DLG2: variants seen among roughly 807,000 people sequenced by gnomAD.
DLG2 encodes the protein disks large homolog 2.
Under a neutral mutation model 132.5 loss-of-function variants are expected in DLG2, and 45 were observed. The observed-to-expected ratio is 0.34, with a 90% CI of 0.27 to 0.44. The LOEUF is 0.44. Ranked by LOEUF, DLG2 falls within the 20% of genes least tolerant of loss-of-function variation. The pLI is 1.00. For missense variants in DLG2, 1,045 were observed against 1,196.9 expected, an observed-to-expected ratio of 0.87 and a Z score of 1.87; for synonymous variants, 424 against 419.6, an observed-to-expected ratio of 1.01 and a Z score of -0.13.
intron 7 of DLG2, among the ~76,000 whole-genome samples, chr11:84,301,586 G>A (rs537711989): frequency 1.3e-4 from 20 of 150,252 alleles, no homozygotes; most frequent in Middle Eastern, 3.5e-3. Context: ...GTGAACCCGG[G>A]AGGTGGAGCT....
intron 6 of DLG2, among the ~76,000 whole-genome samples, chr11:85,038,427 C>G (rs946769980): frequency 6.6e-6 from 1 of 152,012 alleles, no homozygotes; most frequent in South Asian, 2.1e-4. Flanking sequence ...CAGATCATTT[C>G]TTTCAAGCCT....
In DLG2 at chr11:84,975,541, G is replaced by A. The variant is rs2054778102; in HGVS notation, c.357+136120C>T. On this transcript the variant is annotated intron_variant, in intron 6 of 27. Coordinates refer to ENST00000376104, the MANE Select transcript of DLG2 (RefSeq NM_001142699.3). ...CTTAGCAGAATTAGAAATATTCAAG[G>A]AGAATGAGTTACAATGACATTTTTG... is the stretch of plus-strand genomic sequence containing the variant. 2.0e-5 allele frequency among the ~76,000 whole-genome samples: 3 copies of A among 152,138 alleles called. No homozygotes were observed. In the South Asian group the frequency reaches 6.2e-4, roughly 32 times the overall value.
At chr11:84,551,038 G>A (rs923300564) in intron 6 of DLG2, among the ~76,000 whole-genome samples, 5 of 152,140 alleles carry the variant, frequency 3.3e-5, no homozygotes, top group Admixed American at 3.3e-4. Context: ...GATCTATCCA[G>A]CTGCCTTTGT....
chr11:84,157,639 G>A (rs147567572), intron 9 of DLG2, among the ~76,000 whole-genome samples: 23 of 152,238 alleles, frequency 1.5e-4, no homozygotes, highest in Non-Finnish European at 2.9e-4. Context: ...CCTCTCATAA[G>A]CCAGCTCAGT....
intron 15 of DLG2, among the ~76,000 whole-genome samples, chr11:83,893,793 T>C (rs1370092631): frequency 6.6e-6 from 1 of 152,180 alleles, no homozygotes. Context: ...CTGCATGCTG[T>C]GTACCTTGCA....
intron 3 of DLG2, among the ~76,000 whole-genome samples, chr11:85,374,021 C>T (rs1041295161): frequency 3.3e-5 from 5 of 152,146 alleles, no homozygotes; most frequent in African/African-American, 1.2e-4. Context: ...TGTTCCTGAG[C>T]ACACTTCCTA....
chr11:84,040,367 GTCT>G (rs1183381785), intron 11 of DLG2, among the ~76,000 whole-genome samples: 21 of 152,016 alleles, frequency 1.4e-4, no homozygotes, highest in African/African-American at 5.1e-4. Flanking sequence ...TAACGTTTAA[GTCT>G]TTAATCCATC....
intron 9 of DLG2, among the ~76,000 whole-genome samples, chr11:84,141,737 T>A (rs1298019585): frequency 6.6e-6 from 1 of 152,150 alleles, no homozygotes; most frequent in Non-Finnish European, 1.5e-5. Flanking sequence ...TGAGTAGTGA[T>A]AAATCTGCTT....
At chr11:85,344,612 T>C (rs1452299797) in intron 3 of DLG2, among the ~76,000 whole-genome samples, 2 of 152,170 alleles carry the variant, frequency 1.3e-5, no homozygotes, top group African/African-American at 4.8e-5. Flanking sequence ...TATTATGCAA[T>C]ATTGCTTATT....
intron 18 of DLG2, among the ~76,000 whole-genome samples, chr11:83,777,829 A>G (rs957614283): frequency 1.4e-4 from 21 of 152,210 alleles, no homozygotes; most frequent in Non-Finnish European, 1.3e-4. Context: ...CCTTCTTGTA[A>G]TAATTGTTAT....
chr11:83,857,005 G>T (rs1230946850), intron 16 of DLG2, among the ~76,000 whole-genome samples: 1 of 152,100 alleles, frequency 6.6e-6, no homozygotes, highest in Non-Finnish European at 1.5e-5. Flanking sequence ...TTTGTATCTG[G>T]TATAAGAAAG....
At chr11:85,253,715 G>A (rs2076518869) in intron 4 of DLG2, among the ~76,000 whole-genome samples, 1 of 152,122 alleles carries the variant, frequency 6.6e-6, no homozygotes, top group South Asian at 2.1e-4. Context: ...GTTCTTGTCT[G>A]GTATCCAGGA....
Position 83,791,371 on chromosome 11 carries a change from C to T in DLG2, c.1723-4579G>A, listed in dbSNP as rs572762504. The T allele has an allele frequency of 1.9e-5, 13 of 680,010 alleles. No individual in the cohort carries two copies. The South Asian group carries it at 2.0e-4, about 10-fold the overall frequency. The allele number at this position is 680,010 out of a possible 1,614,324, so 42.1% of individuals were successfully genotyped here. On this transcript the variant is annotated intron_variant, in intron 17 of 27. Transcript: ENST00000376104. ...ATCCATCAAGCTTTTGCTTTTTGAT[C>T]TGTCTTTTTTTTCTTTTCCACCTTT...
chr11:84,855,724 C>A (rs1566162122), intron 6 of DLG2, among the ~76,000 whole-genome samples: 1 of 152,054 alleles, frequency 6.6e-6, no homozygotes, highest in African/African-American at 2.4e-5. Context: ...TTAATACATT[C>A]TTGGTGTCTT....
At chr11:84,705,908 G>T (rs1193903286) in intron 6 of DLG2, among the ~76,000 whole-genome samples, 1 of 151,732 alleles carries the variant, frequency 6.6e-6, no homozygotes, top group Non-Finnish European at 1.5e-5. Context: ...ATAATAAATT[G>T]AACTTATGTT....
chr11:84,151,755 A>C (rs1030789468), intron 9 of DLG2, among the ~76,000 whole-genome samples: 7 of 152,208 alleles, frequency 4.6e-5, no homozygotes, highest in Non-Finnish European at 7.3e-5. Context: ...CTCTGTTTTC[A>C]TTAATTTCAA....
At chr11:85,291,988 C>T (rs943401251) in intron 3 of DLG2, among the ~76,000 whole-genome samples, 5 of 152,138 alleles carry the variant, frequency 3.3e-5, no homozygotes, top group Admixed American at 1.3e-4. Context: ...CACATACCTG[C>T]TTTGAATTCA....
chr11:84,037,931 C>G lies in DLG2; in HGVS notation c.919+21384G>C, dbSNP rs75605525. 5.5e-3 allele frequency among the ~76,000 whole-genome samples: 830 copies of G among 152,112 alleles called. 3 individuals carry two copies. Among genetic ancestry groups the G allele is most frequent in the African/African-American group, 0.019 (805 of 41,522 alleles). ...GACTACTTCTCTTTGCATATCTTTG[C>G]TCACCTTTCCATTTTTAAACTTTGT... On this transcript the variant is annotated intron_variant, in intron 11 of 27. Coordinates refer to ENST00000376104, the MANE Select transcript of DLG2 (RefSeq NM_001142699.3).
chr11:85,391,755 T>A (rs1030072925), intron 3 of DLG2, among the ~76,000 whole-genome samples: 1 of 151,972 alleles, frequency 6.6e-6, no homozygotes, highest in African/African-American at 2.4e-5. Context: ...TGATTAAAAT[T>A]CTCAGCAAAA....
Sources: gnomAD v4.1 joint callset for allele counts (sites outside exome capture counted in the v4.1 genomes callset) on GRCh38, gnomAD v4.1.1 for gene constraint, MANE v1.5 for transcripts, NCBI Gene and HGNC (gene_info 2026-07-23, HGNC 2026-07-21) for gene names.